The following CDH13 variants were observed in gnomAD, a reference collection of about 807,000 sequenced individuals.
CDH13 encodes cadherin 13, also known as cadherin-13.
Under a neutral mutation model 63.8 loss-of-function variants are expected in CDH13, and 24 were observed. The ratio of observed to expected loss-of-function variants is 0.38; its 90% CI spans 0.27 to 0.53. The LOEUF is 0.53. Among genes scored for constraint, CDH13 ranks in the 20% least tolerant of loss-of-function variants. The pLI is 0.85. For synonymous variants in CDH13, 503 were observed against 355.3 expected, an observed-to-expected ratio of 1.42 and a Z score of -4.67; for missense variants, 1,049 against 903.1, an observed-to-expected ratio of 1.16 and a Z score of -2.07.
intron 2 of CDH13, among the ~76,000 whole-genome samples, chr16:82,987,489 G>A (rs1304870934): frequency 1.3e-5 from 2 of 152,230 alleles, no homozygotes; most frequent in East Asian, 1.9e-4. Flanking sequence ...CAATTCTCCT[G>A]CCTCAGCCTC....
intron 5 of CDH13, among the ~76,000 whole-genome samples, chr16:83,268,841 A>G (rs936039623): frequency 2.6e-5 from 4 of 152,194 alleles, no homozygotes; most frequent in Non-Finnish European, 5.9e-5. Context: ...CAGAGAGGCC[A>G]GAGCTGCTCT....
intron 6 of CDH13, among the ~76,000 whole-genome samples, chr16:83,399,723 G>C (rs971261218): frequency 2.6e-5 from 4 of 152,086 alleles, no homozygotes; most frequent in Non-Finnish European, 5.9e-5. Context: ...ACCATGTTGT[G>C]AGGAAGCCCA....
intron 1 of CDH13, among the ~76,000 whole-genome samples, chr16:82,745,859 C>G (rs1294828744): frequency 4.6e-5 from 7 of 152,112 alleles, no homozygotes; most frequent in African/African-American, 1.7e-4. Context: ...ATTTGGTCCT[C>G]TGTTATTTTA....
At chr16:82,737,832 G>A (rs533917663) in intron 1 of CDH13, among the ~76,000 whole-genome samples, 12 of 152,084 alleles carry the variant, frequency 7.9e-5, no homozygotes, top group South Asian at 2.1e-4. Flanking sequence ...AAATTGCTCC[G>A]GTTTAATGTA....
At chr16:83,350,142 C>T (rs2090921316) in intron 6 of CDH13, among the ~76,000 whole-genome samples, 1 of 152,184 alleles carries the variant, frequency 6.6e-6, no homozygotes, top group Non-Finnish European at 1.5e-5. Context: ...ACCTGGGATC[C>T]ATCAGCTCCA....
intron 2 of CDH13, among the ~76,000 whole-genome samples, chr16:82,946,990 A>G (rs1175668079): frequency 2.8e-5 from 4 of 145,358 alleles, no homozygotes; most frequent in Non-Finnish European, 6.0e-5. Context: ...CAAAGTCTTT[A>G]TAAGTGCGCA....
intron 1 of CDH13, among the ~76,000 whole-genome samples, chr16:82,674,138 T>G (rs911442263): frequency 2.0e-5 from 3 of 152,150 alleles, no homozygotes. Context: ...CAGACACTTG[T>G]AATGAGAGAG....
chr16:82,926,965 A>G (rs1038194698), intron 2 of CDH13, among the ~76,000 whole-genome samples: 3 of 152,174 alleles, frequency 2.0e-5, no homozygotes, highest in Non-Finnish European at 4.4e-5. Flanking sequence ...GTGAGGGCTC[A>G]ATGGGGACTA....
intron 10 of CDH13, among the ~76,000 whole-genome samples, chr16:83,715,656 C>G (rs919327287): frequency 6.6e-6 from 1 of 150,996 alleles, no homozygotes; most frequent in Admixed American, 6.6e-5. Flanking sequence ...GTGTCGCTGA[C>G]AGGCAGGCGG....
In CDH13 at chr16:83,708,287, G is replaced by T. The variant is rs145883571; in HGVS notation, c.1538+29826G>T. Among the ~76,000 whole-genome samples the T allele has an allele frequency of 6.8e-4, 104 of 152,356 alleles. 1 individual carries two copies. The highest frequency in any genetic ancestry group is 2.3e-3 in the African/African-American group (97 of 41,592). ...CACCGTAAGGGACAGTCAACCAGAC[G>T]TGTGCTTCCACATGTTCTTCAAATG... is the stretch of plus-strand genomic sequence containing the variant. On this transcript the variant is annotated intron_variant, in intron 10 of 13. Transcript: ENST00000567109.
chr16:83,310,748 C>G (rs966276497), intron 5 of CDH13, among the ~76,000 whole-genome samples: 1 of 152,170 alleles, frequency 6.6e-6, no homozygotes, highest in African/African-American at 2.4e-5. Context: ...GTCTGCTGCC[C>G]TAGAGCTAAA....
intron 7 of CDH13, among the ~76,000 whole-genome samples, chr16:83,490,496 C>A (rs751965458): frequency 3.3e-5 from 5 of 152,184 alleles, no homozygotes; most frequent in South Asian, 2.1e-4. Context: ...ATGGAGCCAT[C>A]TGAGGCAGGT....
At chr16:82,733,997 T>A (rs1319630072) in intron 1 of CDH13, among the ~76,000 whole-genome samples, 1 of 151,072 alleles carries the variant, frequency 6.6e-6, no homozygotes, top group Non-Finnish European at 1.5e-5. Flanking sequence ...AAACAGAGTA[T>A]ACCAGATAGC....
At chr16:83,760,600 T>G (rs1913884786) in intron 11 of CDH13, among the ~76,000 whole-genome samples, 1 of 152,232 alleles carries the variant, frequency 6.6e-6, no homozygotes, top group Non-Finnish European at 1.5e-5. Context: ...ACACACATGC[T>G]AAATGACTGC....
intron 11 of CDH13, among the ~76,000 whole-genome samples, chr16:83,748,775 C>G (rs1447823421): frequency 1.3e-5 from 2 of 152,132 alleles, no homozygotes; most frequent in African/African-American, 4.8e-5. Context: ...TATGCCAGCC[C>G]CTGATTAGAT....
At chr16:82,719,062 G>T (rs192446571) in intron 1 of CDH13, among the ~76,000 whole-genome samples, 1 of 152,142 alleles carries the variant, frequency 6.6e-6, no homozygotes, top group Non-Finnish European at 1.5e-5. Flanking sequence ...CTCTTTCCCT[G>T]GGTGGTTATG....
chr16:83,376,760 TC>T (rs2091467117), intron 6 of CDH13, among the ~76,000 whole-genome samples: 1 of 152,096 alleles, frequency 6.6e-6, no homozygotes, highest in Non-Finnish European at 1.5e-5. Flanking sequence ...GAGCATCTTG[TC>T]CCCTCCCCTT....
intron 1 of CDH13, among the ~76,000 whole-genome samples, chr16:82,774,709 G>T (rs945416526): frequency 6.6e-6 from 1 of 152,164 alleles, no homozygotes; most frequent in African/African-American, 2.4e-5. Flanking sequence ...TGTGCTCACT[G>T]TATCCACCAG....
chr16:83,506,737 A>G (rs1485369675), intron 7 of CDH13, among the ~76,000 whole-genome samples: 3 of 152,240 alleles, frequency 2.0e-5, no homozygotes, highest in Non-Finnish European at 2.9e-5. Flanking sequence ...CTTTCTTGCT[A>G]CAGGCAAAGC....
Sources: allele counts gnomAD v4.1 joint callset (sites outside exome capture counted in the v4.1 genomes callset), GRCh38; gene constraint gnomAD v4.1.1; transcripts MANE v1.5; gene names NCBI Gene and HGNC (gene_info 2026-07-23, HGNC 2026-07-21).